Variants in IL1RAPL1 observed in about 807,000 individuals in gnomAD.
IL1RAPL1 encodes the protein interleukin 1 receptor accessory protein like 1.
IL1RAPL1 carries 3 observed loss-of-function variants against 48.4 expected under a neutral mutation model. The ratio of observed to expected loss-of-function variants is 0.06; its 90% CI spans 0.03 to 0.16. IL1RAPL1 has a LOEUF of 0.16. Among genes scored for constraint, IL1RAPL1 ranks in the 10% least tolerant of loss-of-function variants. IL1RAPL1 has a pLI of 1.00. For missense variants in IL1RAPL1, 349 were observed against 530.6 expected (o/e 0.66, Z 3.36); for synonymous variants, 185 against 187.7 (o/e 0.99, Z 0.12).
intron 5 of IL1RAPL1, among the ~76,000 whole-genome samples, chrX:29,428,783 C>T (rs773375857): frequency 9.0e-6 from 1 of 111,561 alleles, no homozygotes; most frequent in Non-Finnish European, 1.9e-5. Flanking sequence ...ATCAGTGACT[C>T]ACTCCACATT....
intron 1 of IL1RAPL1, among the ~76,000 whole-genome samples, chrX:28,712,265 C>A (rs969617095): frequency 2.7e-5 from 3 of 110,564 alleles, no homozygotes; most frequent in African/African-American, 9.9e-5. Context: ...TGGGGATAAT[C>A]CAGAGAAACC....
intron 5 of IL1RAPL1, among the ~76,000 whole-genome samples, chrX:29,435,467 T>C (rs922102326): frequency 1.8e-5 from 2 of 111,268 alleles, no homozygotes; most frequent in African/African-American, 6.5e-5. Context: ...CACATTCTTA[T>C]CAGCACTTCC....
intron 6 of IL1RAPL1, among the ~76,000 whole-genome samples, chrX:29,752,373 G>C (rs1367012892): frequency 1.9e-5 from 2 of 106,526 alleles, no homozygotes; most frequent in African/African-American, 6.8e-5. Flanking sequence ...GCATGCGCCT[G>C]TAGTCCCAGC....
chrX:29,577,664 G>A (rs1345674745), intron 5 of IL1RAPL1, among the ~76,000 whole-genome samples: 1 of 111,858 alleles, frequency 8.9e-6, no homozygotes, highest in Non-Finnish European at 1.9e-5. Context: ...ATATATACAT[G>A]CTAACTTTTC....
At chrX:29,769,851 G>A (rs185468709) in intron 6 of IL1RAPL1, among the ~76,000 whole-genome samples, 35 of 109,708 alleles carry the variant, frequency 3.2e-4, no homozygotes, top group South Asian at 7.9e-4. Flanking sequence ...TCCTGACCTC[G>A]TGATCCGCCT....
intron 5 of IL1RAPL1, among the ~76,000 whole-genome samples, chrX:29,458,864 T>C (rs1268520480): frequency 9.0e-6 from 1 of 111,083 alleles, no homozygotes; most frequent in Non-Finnish European, 1.9e-5. Context: ...TCAGAAAACT[T>C]TTTTACGTAA....
At chrX:28,897,162 G>C (rs1385611472) in intron 2 of IL1RAPL1, among the ~76,000 whole-genome samples, 9 of 109,528 alleles carry the variant, frequency 8.2e-5, no homozygotes, top group Admixed American at 4.9e-4. Context: ...AAGGGGTTGG[G>C]GGGGTTCTTG....
At chrX:28,725,004 T>G (rs186168975) in intron 1 of IL1RAPL1, among the ~76,000 whole-genome samples, 2,770 of 102,212 alleles carry the variant, frequency 0.027, 97 homozygotes, top group African/African-American at 0.096. Context: ...CAGGCTGGAG[T>G]GCAGTGATGC....
At chrX:29,804,216 A>G (rs1569174736) in intron 6 of IL1RAPL1, among the ~76,000 whole-genome samples, 5 of 111,620 alleles carry the variant, frequency 4.5e-5, no homozygotes, top group Non-Finnish European at 7.5e-5. Context: ...CCCTTGGACT[A>G]TGAGTTTGGA....
intron 5 of IL1RAPL1, among the ~76,000 whole-genome samples, chrX:29,480,291 C>CATATATATATATATATATATATATATAT (rs61703733): frequency 6.5e-5 from 5 of 76,570 alleles, no homozygotes; most frequent in African/African-American, 3.0e-4. Context: ...CACACATATA[C>CATATATATATATATATATATATATATAT]ATATATATAT....
chrX:28,723,214 A>G (rs1038327207), intron 1 of IL1RAPL1, among the ~76,000 whole-genome samples: 3 of 110,863 alleles, frequency 2.7e-5, no homozygotes, highest in Non-Finnish European at 5.7e-5. Context: ...CTGTGAATCC[A>G]TCTGGTCCTG....
chrX:29,487,020 C>A (rs1260841570), intron 5 of IL1RAPL1, among the ~76,000 whole-genome samples: 1 of 106,146 alleles, frequency 9.4e-6, no homozygotes, highest in African/African-American at 3.5e-5. Context: ...GGCAACAATG[C>A]TGATTCGTAG....
chrX:29,913,456 A>T (rs1190837721), intron 6 of IL1RAPL1, among the ~76,000 whole-genome samples: 2 of 108,652 alleles, frequency 1.8e-5, no homozygotes, highest in Non-Finnish European at 3.8e-5. Flanking sequence ...ATATACATAT[A>T]TATAGAGAGA....
At chrX:29,582,251 A>C (rs1024562692) in intron 5 of IL1RAPL1, among the ~76,000 whole-genome samples, 6 of 111,762 alleles carry the variant, frequency 5.4e-5, no homozygotes, top group African/African-American at 1.9e-4. Context: ...GCATTTCTAA[A>C]TAACACTCAG....
intron 2 of IL1RAPL1, among the ~76,000 whole-genome samples, chrX:28,971,831 G>A (rs144715184): frequency 0.13 from 14,606 of 108,311 alleles, 1,004 homozygotes; most frequent in Non-Finnish European, 0.2. Context: ...GTCATACACG[G>A]GGCTGCCAAC....
chrX:29,637,888 A>G (rs1320306059), intron 5 of IL1RAPL1, among the ~76,000 whole-genome samples: 1 of 112,448 alleles, frequency 8.9e-6, no homozygotes, highest in Non-Finnish European at 1.9e-5. Flanking sequence ...AGGCAACTCT[A>G]GAAAAATGTT....
At chrX:29,473,708 G>A (rs1163841943) in intron 5 of IL1RAPL1, among the ~76,000 whole-genome samples, 1 of 107,147 alleles carries the variant, frequency 9.3e-6, no homozygotes, top group African/African-American at 3.4e-5. Context: ...CTTCTAGGCT[G>A]GATCAATTGG....
At chrX:28,989,928 G>A (rs968465353) in intron 2 of IL1RAPL1, among the ~76,000 whole-genome samples, 13 of 111,581 alleles carry the variant, frequency 1.2e-4, no homozygotes, top group African/African-American at 2.3e-4. Flanking sequence ...AAATAGTTAC[G>A]AAAAATGCCA....
intron 5 of IL1RAPL1, among the ~76,000 whole-genome samples, chrX:29,544,136 G>C (rs777969358): frequency 1.7e-4 from 19 of 111,416 alleles, no homozygotes; most frequent in Non-Finnish European, 2.6e-4. Context: ...CCAGCCCTTT[G>C]TTTCCTCTCT....
Sources: gnomAD v4.1 joint callset for allele counts (sites outside exome capture counted in the v4.1 genomes callset) on GRCh38, gnomAD v4.1.1 for gene constraint, MANE v1.5 for transcripts, NCBI Gene and HGNC (gene_info 2026-07-23, HGNC 2026-07-21) for gene names.